Variants in CAMK2A observed in about 807,000 individuals in gnomAD.
The protein encoded by CAMK2A is calcium/calmodulin-dependent protein kinase type II subunit alpha.
CAMK2A carries 7 observed loss-of-function variants against 79.2 expected under a neutral mutation model. That is an observed-to-expected ratio of 0.09 (90% CI 0.05 to 0.17). The LOEUF is 0.17. Among genes scored for constraint, CAMK2A ranks in the 10% least tolerant of loss-of-function variants. The probability of loss-of-function intolerance (pLI) is 1.00; values close to 1 mark genes in which losing one functional copy is unlikely to be tolerated. For missense variants in CAMK2A, 214 were observed against 646.4 expected (o/e 0.33, Z 7.25); for synonymous variants, 242 against 251.7 (o/e 0.96, Z 0.36).
At chr5:150,274,072 C>T (rs1269128452) in intron 1 of CAMK2A, among the ~76,000 whole-genome samples, 2 of 152,164 alleles carry the variant, frequency 1.3e-5, no homozygotes, top group African/African-American at 2.4e-5. Flanking sequence ...TTTCCTTTGC[C>T]CTTGTCAACA....
intron 1 of CAMK2A, among the ~76,000 whole-genome samples, chr5:150,283,830 G>A (rs1221034983): frequency 2.0e-5 from 3 of 152,180 alleles, no homozygotes; most frequent in Admixed American, 2.0e-4. Flanking sequence ...CCCCGCCCAG[G>A]AAATACCTGT....
chr5:150,245,024 C>T (rs1417910696), intron 13 of CAMK2A, 137 bp downstream of exon 13: 14 of 818,200 alleles, frequency 1.7e-5, no homozygotes, highest in East Asian at 2.6e-5. Flanking sequence ...CTGGAGACAG[C>T]CTGGCCACAA....
chr5:150,285,147 A>G (rs541582025), intron 1 of CAMK2A, among the ~76,000 whole-genome samples: 41 of 152,248 alleles, frequency 2.7e-4, no homozygotes, highest in Non-Finnish European at 1.2e-4. Flanking sequence ...TGTTCCCCAG[A>G]TACGGCACCA....
chr5:150,284,724 G>A lies in CAMK2A; in HGVS notation c.62+4840C>T, dbSNP rs189345345. Among the ~76,000 whole-genome samples, 30 of 152,266 alleles carry A rather than the reference G, an allele frequency of 2.0e-4. No individual in the cohort carries two copies. The highest frequency in any genetic ancestry group is 1.9e-3 in the East Asian group (10 of 5,182). The stretch of plus-strand genomic sequence containing the variant: ...ATCCTTTGGCCTCTGGTCCCTGCAC[G>A]TCATCTAGTCCCCTAGCCTGGGCCC... On this transcript the variant is annotated intron_variant, in intron 1 of 18. Transcript: ENST00000671881. This position sits in a 1 kb window ranked among gnomAD's most constrained non-coding sequence, Gnocchi z 5.3.
At chr5:150,258,754 C>T (rs1420282689) in intron 3 of CAMK2A, among the ~76,000 whole-genome samples, 1 of 152,080 alleles carries the variant, frequency 6.6e-6, no homozygotes, top group Non-Finnish European at 1.5e-5. Context: ...TATTGAGTCC[C>T]CTGAATTGTT....
chr5:150,223,223 G>A lies in CAMK2A; in HGVS notation c.1238-6C>T. The stretch of plus-strand genomic sequence containing the variant: ...CTTGCTGTTCCGGGACCACACTGGA[G>A]GAGGGGATGGGAGGGGCAGAGGAGA... On this transcript the variant is annotated splice_region_variant and splice_polypyrimidine_tract_variant and intron_variant, in intron 17 of 18. Transcript: ENST00000671881. This position sits in a 1 kb window ranked among gnomAD's most constrained non-coding sequence, Gnocchi z 4.1. 1.2e-6 allele frequency: 2 copies of A among 1,608,156 alleles called. No homozygotes were observed. Among genetic ancestry groups the A allele is most frequent in the Non-Finnish European group, 1.7e-6 (2 of 1,175,904 alleles).
intron 16 of CAMK2A, 48 bp downstream of exon 16, chr5:150,231,257 T>C: frequency 8.5e-7 from 1 of 1,171,192 alleles, no homozygotes; most frequent in Non-Finnish European, 1.2e-6. Context: ...TGGTACCCCC[T>C]GAACAACAAT....
At chr5:150,281,560 G>T (rs1055878966) in intron 1 of CAMK2A, among the ~76,000 whole-genome samples, 2 of 152,240 alleles carry the variant, frequency 1.3e-5, no homozygotes, top group Non-Finnish European at 2.9e-5. Flanking sequence ...CTGGGGCCAA[G>T]ACTTTGAACC....
chr5:150,268,629 G>A (rs922069805), intron 2 of CAMK2A, among the ~76,000 whole-genome samples: 4 of 152,214 alleles, frequency 2.6e-5, no homozygotes. Context: ...GACCTTTTCT[G>A]TTGGTCACTG....
At position 150,247,700 on chromosome 5, in the gene CAMK2A, A is replaced by G. The variant is rs184942639; in HGVS notation, c.943+72T>C. On this transcript the variant is annotated intron_variant, in intron 12 of 18. Coordinates refer to ENST00000671881, the MANE Select transcript of CAMK2A (RefSeq NM_015981.4). ...GGCCCAGTGGCCTGGGGGCACTCCA[A>G]TATCTGACAGGACGGTGCCCCCAAC... 1.3e-4 allele frequency: 171 copies of G among 1,305,050 alleles called. No homozygotes were observed. In the African/African-American group the frequency reaches 2.2e-3, roughly 17 times the overall value. The allele number at this position is 1,305,050 out of a possible 1,614,324, so 80.8% of individuals were successfully genotyped here. A position where few individuals can be genotyped will look rare whatever the true frequency, so the allele number is the denominator to read the frequency against.
At chr5:150,250,427 G>A (rs1241263381) in intron 10 of CAMK2A, 118 bp from the exon 11 acceptor site, 8 of 900,514 alleles carry the variant, frequency 8.9e-6, no homozygotes, top group South Asian at 1.5e-5. Context: ...TGGGAAGAAC[G>A]ATTCATTGCT....
At chr5:150,222,880 TCTG>T in intron 18 of CAMK2A, 106 bp downstream of exon 18, 1 of 1,388,784 alleles carries the variant, frequency 7.2e-7, no homozygotes, top group Non-Finnish European at 1.0e-6. Context: ...CCCACCCCAC[TCTG>T]CAGCCTTTCA....
At chr5:150,241,631 C>T (rs375001538) in intron 13 of CAMK2A, among the ~76,000 whole-genome samples, 3 of 148,176 alleles carry the variant, frequency 2.0e-5, no homozygotes, top group African/African-American at 7.6e-5. Flanking sequence ...CTCCTCTCCT[C>T]CCCTCTCCTC....
intron 1 of CAMK2A, among the ~76,000 whole-genome samples, chr5:150,285,460 G>A (rs1303051303): frequency 6.6e-6 from 1 of 152,188 alleles, no homozygotes; most frequent in African/African-American, 2.4e-5. Flanking sequence ...AGCTCTGCCT[G>A]GGAAAGGCAG....
At position 150,250,329 on chromosome 5, in the gene CAMK2A, G is replaced by T; in HGVS notation, c.817-20C>A. 6.2e-7 allele frequency: 1 copy of T among 1,607,700 alleles called. No homozygotes were observed. Among genetic ancestry groups the T allele is most frequent in the Non-Finnish European group, 8.5e-7 (1 of 1,174,644 alleles). ...GCGGTGCTGGAGGAAGTAGGGGAGA[G>T]GGCTGTGAGTGGAAGGCAGGCTGGA... On this transcript the variant is annotated intron_variant, in intron 10 of 18. Coordinates refer to ENST00000671881, the MANE Select transcript of CAMK2A (RefSeq NM_015981.4).
intron 16 of CAMK2A, among the ~76,000 whole-genome samples, 155 bp from the exon 17 acceptor site, chr5:150,228,441 A>G (rs547238138): frequency 6.6e-6 from 1 of 152,280 alleles, no homozygotes; most frequent in South Asian, 2.1e-4. Flanking sequence ...GTTATAAAGT[A>G]TGGGATATCA....
intron 10 of CAMK2A, among the ~76,000 whole-genome samples, 180 bp downstream of exon 10, chr5:150,250,508 T>C (rs577795224): frequency 1.9e-4 from 29 of 152,318 alleles, no homozygotes; most frequent in Admixed American, 1.9e-3. Flanking sequence ...ATCAGTTGTA[T>C]GCCAACCCAG....
chr5:150,221,544 T>G lies in CAMK2A; in HGVS notation c.*1166A>C. On this transcript the variant is annotated 3_prime_UTR_variant, in exon 19 of 19. Transcript: ENST00000671881. ...AGGGAAGCAAAGAAAAGTCCAGGTA[T>G]TTCCATCCTGACAGCCTCCCTCCTC... The G allele has an allele frequency of 2.5e-6, 1 of 398,668 alleles. No individual in the cohort carries two copies. Among genetic ancestry groups the G allele is most frequent in the East Asian group, 3.5e-5 (1 of 28,204 alleles). The allele number at this position is 398,668 out of a possible 1,614,324, so 24.7% of individuals were successfully genotyped here. A position where few individuals can be genotyped will look rare whatever the true frequency, so the allele number is the denominator to read the frequency against.
At chr5:150,246,679 G>A (rs1187823182) in intron 12 of CAMK2A, among the ~76,000 whole-genome samples, 8 of 152,196 alleles carry the variant, frequency 5.3e-5, no homozygotes, top group Non-Finnish European at 1.2e-4. Context: ...TCAGTTTACG[G>A]AATGGCAGGA....
Sources: allele counts gnomAD v4.1 joint callset (sites outside exome capture counted in the v4.1 genomes callset), GRCh38; gene constraint gnomAD v4.1.1; non-coding constraint Gnocchi (gnomAD v3.1); transcripts MANE v1.5; gene names NCBI Gene and HGNC (gene_info 2026-07-23, HGNC 2026-07-21).